Variants in CEP128 observed in about 807,000 individuals in gnomAD.
The protein encoded by CEP128 is centrosomal protein 128.
Under a neutral mutation model 156.7 loss-of-function variants are expected in CEP128, and 132 were observed. That is an observed-to-expected ratio of 0.84 (90% CI 0.73 to 0.97). The LOEUF is 0.97. CEP128 is among the 50% of genes least tolerant of loss of function. The pLI is 0.00. For synonymous variants in CEP128, 469 were observed against 448.9 expected (o/e 1.04, Z -0.57); for missense variants, 1,252 against 1,281.9 (o/e 0.98, Z 0.36).
intron 23 of CEP128, among the ~76,000 whole-genome samples, chr14:80,517,814 G>A (rs771106789): frequency 1.8e-4 from 28 of 152,098 alleles, no homozygotes; most frequent in Non-Finnish European, 3.5e-4. Context: ...AGCAACTAGT[G>A]TTCAGCTTGA....
chr14:80,710,542 G>C (rs1312684158), intron 19 of CEP128, among the ~76,000 whole-genome samples: 1 of 151,926 alleles, frequency 6.6e-6, no homozygotes, highest in Non-Finnish European at 1.5e-5. Flanking sequence ...ATATTTATAA[G>C]TATTAAAGAA....
intron 2 of CEP128, among the ~76,000 whole-genome samples, chr14:80,920,007 T>C (rs924084150): frequency 6.6e-6 from 1 of 152,170 alleles, no homozygotes; most frequent in African/African-American, 2.4e-5. Context: ...AGCAACTATC[T>C]AAGGACTTTA....
chr14:80,762,569 G>T (rs1183205826), intron 16 of CEP128, among the ~76,000 whole-genome samples: 1 of 152,116 alleles, frequency 6.6e-6, no homozygotes. Flanking sequence ...AAACATAAAT[G>T]ATATTTCCTT....
intron 20 of CEP128, among the ~76,000 whole-genome samples, chr14:80,579,976 T>C (rs1242167773): frequency 1.3e-5 from 2 of 152,248 alleles, no homozygotes; most frequent in African/African-American, 4.8e-5. Flanking sequence ...ATGTGTTAAT[T>C]GGTTGGTCAT....
chr14:80,877,027 G>A (rs2556604), intron 8 of CEP128, among the ~76,000 whole-genome samples: 61,976 of 151,904 alleles, frequency 0.41, 12,997 homozygotes, highest in South Asian at 0.51. Flanking sequence ...TAACAAAATA[G>A]CATAAAAGTG....
intron 18 of CEP128, among the ~76,000 whole-genome samples, chr14:80,756,407 T>G (rs1899661255): frequency 6.6e-6 from 1 of 152,168 alleles, no homozygotes; most frequent in South Asian, 2.1e-4. Flanking sequence ...CTCACCAATC[T>G]CAGGGCATTA....
chr14:80,876,851 C>A (rs911211351), intron 8 of CEP128, among the ~76,000 whole-genome samples: 1 of 151,976 alleles, frequency 6.6e-6, no homozygotes, highest in Non-Finnish European at 1.5e-5. Context: ...GCACACTCAC[C>A]CTAAAGGAAA....
At chr14:80,836,423 TC>T in intron 11 of CEP128, 86 bp from the exon 12 acceptor site, 1 of 1,420,500 alleles carries the variant, frequency 7.0e-7, no homozygotes, top group Non-Finnish European at 9.8e-7. Flanking sequence ...ACAAGTTGAA[TC>T]CAGGTTAATC....
At chr14:80,941,013 A>G (rs2139635466) in intron 1 of CEP128, among the ~76,000 whole-genome samples, 1 of 152,350 alleles carries the variant, frequency 6.6e-6, no homozygotes, top group African/African-American at 2.4e-5. Flanking sequence ...CATCAAACCA[A>G]TAAAAGATGC....
chr14:80,613,177 G>T (rs543895627), intron 19 of CEP128, among the ~76,000 whole-genome samples: 1 of 151,090 alleles, frequency 6.6e-6, no homozygotes, highest in African/African-American at 2.4e-5. Context: ...CAAAAGTTTA[G>T]AAATAAAAGT....
At chr14:80,793,533 A>T (rs1901828529) in intron 13 of CEP128, among the ~76,000 whole-genome samples, 1 of 152,202 alleles carries the variant, frequency 6.6e-6, no homozygotes, top group African/African-American at 2.4e-5. Context: ...CTGGCAGCAA[A>T]ACAGAATTAT....
chr14:80,938,798 C>G (rs777143851), intron 2 of CEP128, among the ~76,000 whole-genome samples: 2 of 151,852 alleles, frequency 1.3e-5, no homozygotes, highest in Non-Finnish European at 2.9e-5. Flanking sequence ...TTTTAAAAAA[C>G]TAAGAAAGAT....
chr14:80,584,047 C>T (rs753476280), intron 19 of CEP128, among the ~76,000 whole-genome samples: 7 of 152,080 alleles, frequency 4.6e-5, no homozygotes, highest in Non-Finnish European at 8.8e-5. Context: ...TACTTAATTG[C>T]ACCCTTCTTC....
chr14:80,578,503 G>A (rs1268882060), intron 20 of CEP128, among the ~76,000 whole-genome samples: 7 of 152,116 alleles, frequency 4.6e-5, no homozygotes, highest in African/African-American at 1.7e-4. Flanking sequence ...TCCCTTCTGG[G>A]ATCATCTAAT....
At chr14:80,497,692 T>C (rs1223991086) in intron 24 of CEP128, 110 bp from the exon 25 acceptor site, 1 of 691,772 alleles carries the variant, frequency 1.4e-6, no homozygotes, top group Non-Finnish European at 2.5e-6. Flanking sequence ...GATCGAGTTT[T>C]CTATAATTAA....
chr14:80,954,350 A>T (rs1019820178), intron 2 of CEP128, among the ~76,000 whole-genome samples: 2 of 152,160 alleles, frequency 1.3e-5, no homozygotes, highest in Non-Finnish European at 2.9e-5. Flanking sequence ...TAGTATTCCA[A>T]TGTGGAGGTA....
intron 10 of CEP128, among the ~76,000 whole-genome samples, chr14:80,838,509 G>A (rs1175378464): frequency 6.6e-6 from 1 of 152,156 alleles, no homozygotes; most frequent in Non-Finnish European, 1.5e-5. Flanking sequence ...CTGGGATCTA[G>A]TAAGTTTCAT....
At chr14:80,732,832 C>CACAGACT (rs2139535747) in intron 19 of CEP128, among the ~76,000 whole-genome samples, 1 of 152,176 alleles carries the variant, frequency 6.6e-6, no homozygotes, top group South Asian at 2.1e-4. Context: ...CAGCAGAAGA[C>CACAGACT]ACAGACTACA....
rs368984233 is a variant in CEP128, at chr14:80,882,225, G to GA, written c.645+13492dup. On this transcript the variant is annotated intron_variant, in intron 8 of 24. Transcript: ENST00000555265. ...ATAAGAAGATCAAACAACTCTATCAGAAAAAAAAATCTCATAATCCAATTT... is the reference window on the plus strand; with the variant it reads ...ATAAGAAGATCAAACAACTCTATCAGAAAAAAAAAATCTCATAATCCAATTT... Among the ~76,000 whole-genome samples, 35 of 150,330 alleles carry GA rather than the reference G, an allele frequency of 2.3e-4. No individual in the cohort carries two copies. The South Asian group carries it at 3.6e-3, about 15-fold the overall frequency.
Sources: allele counts gnomAD v4.1 joint callset (sites outside exome capture counted in the v4.1 genomes callset), GRCh38; gene constraint gnomAD v4.1.1; transcripts MANE v1.5; gene names NCBI Gene and HGNC (gene_info 2026-07-23, HGNC 2026-07-21).